The following GABRB2 variants were observed in gnomAD, a reference collection of about 807,000 sequenced individuals.
GABRB2 encodes the protein gamma-aminobutyric acid receptor subunit beta-2.
A neutral mutation model predicts 54.7 loss-of-function variants in GABRB2; 16 were observed. The ratio of observed to expected loss-of-function variants is 0.29; its 90% CI spans 0.20 to 0.44. The LOEUF is 0.44. Among genes scored for constraint, GABRB2 ranks in the 20% least tolerant of loss-of-function variants. The pLI is 1.00. For synonymous variants in GABRB2, 244 were observed against 233.8 expected (o/e 1.04, Z -0.40); for missense variants, 355 against 644.0 (o/e 0.55, Z 4.86).
chr5:161,489,541 G>T (rs1340235469), intron 3 of GABRB2, among the ~76,000 whole-genome samples: 2 of 151,608 alleles, frequency 1.3e-5, no homozygotes, highest in Admixed American at 1.3e-4. Flanking sequence ...CTCAAACTCA[G>T]GTGGTTTGAC....
chr5:161,300,177 G>T (rs1433456092), intron 9 of GABRB2, among the ~76,000 whole-genome samples: 1 of 152,140 alleles, frequency 6.6e-6, no homozygotes, highest in Non-Finnish European at 1.5e-5. Flanking sequence ...AAGGGTAAAA[G>T]TGGAGAAAGC....
intron 3 of GABRB2, among the ~76,000 whole-genome samples, chr5:161,496,023 G>T (rs1217493697): frequency 6.6e-6 from 1 of 152,116 alleles, no homozygotes; most frequent in East Asian, 1.9e-4. Context: ...GAGGTGTTAA[G>T]GAGGTCTACT....
chr5:161,338,170 G>A (rs891177951), intron 5 of GABRB2, among the ~76,000 whole-genome samples: 16 of 152,056 alleles, frequency 1.1e-4, no homozygotes, highest in African/African-American at 3.9e-4. Context: ...ACATCAAACA[G>A]CACAGCTCAG....
At chr5:161,316,387 T>G (rs1256120880) in intron 9 of GABRB2, among the ~76,000 whole-genome samples, 5 of 152,188 alleles carry the variant, frequency 3.3e-5, no homozygotes, top group Non-Finnish European at 5.9e-5. Flanking sequence ...TGACTTTGTC[T>G]AAATGTGTCA....
chr5:161,308,740 C>T (rs571006672), intron 9 of GABRB2, among the ~76,000 whole-genome samples: 1 of 152,288 alleles, frequency 6.6e-6, no homozygotes, highest in African/African-American at 2.4e-5. Flanking sequence ...TTCTACAAAC[C>T]TGACAAAAAC....
At chr5:161,442,861 G>C (rs980138532) in intron 4 of GABRB2, among the ~76,000 whole-genome samples, 2 of 151,974 alleles carry the variant, frequency 1.3e-5, no homozygotes, top group African/African-American at 2.4e-5. Flanking sequence ...AAAAAGTCTA[G>C]TGTCCCCAAA....
intron 3 of GABRB2, among the ~76,000 whole-genome samples, chr5:161,461,165 T>C (rs975028516): frequency 3.3e-5 from 5 of 152,182 alleles, no homozygotes; most frequent in African/African-American, 1.2e-4. Context: ...TAAGAGTTTG[T>C]AAATGAGAAT....
chr5:161,508,499 A>G (rs751572787), intron 3 of GABRB2, among the ~76,000 whole-genome samples: 9 of 151,822 alleles, frequency 5.9e-5, no homozygotes, highest in Non-Finnish European at 8.8e-5. Context: ...CTACACTCTC[A>G]TGCCAAAACG....
chr5:161,318,765 T>C (rs973622671), intron 9 of GABRB2, among the ~76,000 whole-genome samples: 3 of 151,994 alleles, frequency 2.0e-5, no homozygotes, highest in Non-Finnish European at 4.4e-5. Flanking sequence ...ATAAAACCCA[T>C]TGGTTTCCAA....
intron 3 of GABRB2, among the ~76,000 whole-genome samples, chr5:161,524,817 A>AT (rs961953737): frequency 2.6e-5 from 4 of 151,318 alleles, no homozygotes; most frequent in African/African-American, 9.7e-5. Flanking sequence ...TACACTTTCC[A>AT]TAACATGATT....
At chr5:161,400,235 A>T (rs1756141504) in intron 5 of GABRB2, among the ~76,000 whole-genome samples, 1 of 152,168 alleles carries the variant, frequency 6.6e-6, no homozygotes, top group Non-Finnish European at 1.5e-5. Flanking sequence ...CTGGCTTATG[A>T]TGTTCACATC....
intron 5 of GABRB2, among the ~76,000 whole-genome samples, chr5:161,338,929 G>T (rs1754074845): frequency 6.6e-6 from 1 of 152,120 alleles, no homozygotes; most frequent in Non-Finnish European, 1.5e-5. Flanking sequence ...ACCCAATCCT[G>T]AGACATGAGA....
intron 5 of GABRB2, among the ~76,000 whole-genome samples, chr5:161,363,308 C>G (rs1354253849): frequency 6.6e-6 from 1 of 152,068 alleles, no homozygotes; most frequent in African/African-American, 2.4e-5. Context: ...TGTTCTCACT[C>G]ATAAATGGGA....
In GABRB2 at chr5:161,398,751, G is replaced by A. The variant is rs77196578; in HGVS notation, c.541+12224C>T. On this transcript the variant is annotated intron_variant, in intron 5 of 9. Transcript: ENST00000393959. ...TGTTGCCAGGCTGAAGTTCAGTGGC[G>A]CGATCTCAGCTCACTGCAACCTCTG... Among the ~76,000 whole-genome samples the A allele has an allele frequency of 8.8e-3, 1,333 of 151,870 alleles. 9 individuals are homozygous for A. The highest frequency in any genetic ancestry group is 0.017 in the Middle Eastern group (5 of 294).
chr5:161,547,342 G>A (rs1483521385), upstream of GABRB2, among the ~76,000 whole-genome samples: 1 of 151,078 alleles, frequency 6.6e-6, no homozygotes, highest in East Asian at 2.0e-4. Flanking sequence ...GGCGGGTACA[G>A]AATAAGAAAG....
intron 5 of GABRB2, among the ~76,000 whole-genome samples, chr5:161,350,201 C>A (rs1357039048): frequency 6.6e-6 from 1 of 151,836 alleles, no homozygotes; most frequent in Non-Finnish European, 1.5e-5. Flanking sequence ...AGTCATAGAG[C>A]AATTAGGCAA....
At chr5:161,422,995 G>C (rs558286077) in intron 4 of GABRB2, among the ~76,000 whole-genome samples, 3 of 152,168 alleles carry the variant, frequency 2.0e-5, no homozygotes, top group African/African-American at 7.2e-5. Context: ...AATCTCTTTA[G>C]TGCTTTGGAA....
At chr5:161,353,077 T>G (rs1164078522) in intron 5 of GABRB2, among the ~76,000 whole-genome samples, 3 of 152,216 alleles carry the variant, frequency 2.0e-5, no homozygotes, top group African/African-American at 4.8e-5. Flanking sequence ...TAATGATTAC[T>G]GGCTATTATT....
intron 5 of GABRB2, among the ~76,000 whole-genome samples, chr5:161,385,228 C>A (rs1755587440): frequency 6.6e-6 from 1 of 152,176 alleles, no homozygotes; most frequent in Admixed American, 6.5e-5. Flanking sequence ...AGTGTATCTG[C>A]ATCTCTACAT....
Sources: allele counts gnomAD v4.1 joint callset (sites outside exome capture counted in the v4.1 genomes callset), GRCh38; gene constraint gnomAD v4.1.1; transcripts MANE v1.5; gene names NCBI Gene and HGNC (gene_info 2026-07-23, HGNC 2026-07-21).